Variants in ZFAND4 observed in about 807,000 individuals in gnomAD.
ZFAND4 encodes AN1-type zinc finger protein 4.
ZFAND4 carries 43 observed loss-of-function variants against 64.4 expected under a neutral mutation model. The observed-to-expected ratio is 0.67, with a 90% confidence interval of 0.52 to 0.86. The LOEUF (loss-of-function observed/expected upper bound fraction) is 0.86, where lower values mean the gene tolerates loss of function less well. Among genes scored for constraint, ZFAND4 ranks in the 40% least tolerant of loss-of-function variants. ZFAND4 has a pLI of 0.00. For missense variants in ZFAND4, 929 were observed against 859.8 expected (o/e 1.08, Z -1.01); for synonymous variants, 296 against 305.7 (o/e 0.97, Z 0.33).
In ZFAND4 at chr10:45,667,597, T is replaced by A. The variant is rs570315341; in HGVS notation, c.-117-3755A>T. On this transcript the variant is annotated intron_variant, in intron 1 of 9. Transcript: ENST00000344646. ...GATTCGCCTGTCTCAGCTTCCCAAA[T>A]AGCTGGGATTACAGGCACCTGCCAC... Among the ~76,000 whole-genome samples, 344 of 151,146 alleles carry A rather than the reference T, an allele frequency of 2.3e-3. 2 individuals carry two copies. The highest frequency in any genetic ancestry group is 8.0e-3 in the African/African-American group (331 of 41,258).
chr10:45,625,469 G>A (rs796844099), intron 7 of ZFAND4, among the ~76,000 whole-genome samples: 1 of 109,174 alleles, frequency 9.2e-6, no homozygotes, highest in Admixed American at 1.3e-4. Flanking sequence ...GCGAGACTCC[G>A]TCTCAAAAAA....
chr10:45,624,335 G>GT (rs1475223019), intron 8 of ZFAND4, among the ~76,000 whole-genome samples: 5 of 152,114 alleles, frequency 3.3e-5, no homozygotes, highest in South Asian at 2.1e-4. Flanking sequence ...AATCTTGTGG[G>GT]TTTTTTTGAC....
rs551575931 is a variant in ZFAND4 at position 45,660,069 on chromosome 10, G to C, written c.184+3473C>G. Among the ~76,000 whole-genome samples the C allele has an allele frequency of 8.6e-4, 130 of 151,668 alleles. 1 individual carries two copies. The highest frequency in any genetic ancestry group is 1.4e-3 in the Non-Finnish European group (97 of 67,912). On this transcript the variant is annotated intron_variant, in intron 2 of 9. Transcript: ENST00000344646. Reference sequence around the variant, plus strand: ...CCCACCTACTCGGGAGGCTGAGGCAGGAGAATGGCGTGAACCCAGGAGGCA... The same window carrying C: ...CCCACCTACTCGGGAGGCTGAGGCACGAGAATGGCGTGAACCCAGGAGGCA...
intron 5 of ZFAND4, among the ~76,000 whole-genome samples, chr10:45,644,502 C>G (rs78848394): frequency 0.025 from 3,874 of 152,130 alleles, 66 homozygotes; most frequent in East Asian, 0.053. Flanking sequence ...AGCTATAAAA[C>G]CAAAGAAGTT....
intron 2 of ZFAND4, 53 bp from the exon 3 acceptor site, chr10:45,653,112 A>G (rs1219504675): frequency 1.5e-6 from 2 of 1,292,550 alleles, no homozygotes; most frequent in Non-Finnish European, 2.2e-6. Flanking sequence ...AGCATCTCCA[A>G]AAGAGTATGA....
chr10:45,624,309 A>G (rs2045640660), intron 8 of ZFAND4, among the ~76,000 whole-genome samples: 1 of 152,218 alleles, frequency 6.6e-6, no homozygotes, highest in Non-Finnish European at 1.5e-5. Flanking sequence ...TGGGAACTAC[A>G]TGTTCATTCT....
chr10:45,619,335 C>T (rs1432563691), intron 8 of ZFAND4, among the ~76,000 whole-genome samples: 9 of 152,206 alleles, frequency 5.9e-5, no homozygotes, highest in African/African-American at 9.6e-5. Flanking sequence ...TGAGCCACCA[C>T]GCCAGGCCAA....
chr10:45,666,833 T>C (rs2048855526), intron 1 of ZFAND4, among the ~76,000 whole-genome samples: 2 of 152,192 alleles, frequency 1.3e-5, no homozygotes, highest in Non-Finnish European at 1.5e-5. Flanking sequence ...AATGTGAAGG[T>C]TTATTTCCAG....
chr10:45,657,184 T>C (rs1008786210), intron 2 of ZFAND4, among the ~76,000 whole-genome samples: 2 of 151,932 alleles, frequency 1.3e-5, no homozygotes, highest in African/African-American at 4.8e-5. Flanking sequence ...CAGAAAAAAT[T>C]TTTGTATTTT....
At chr10:45,620,866 C>T (rs2045366963) in intron 8 of ZFAND4, 1 of 152,166 alleles carries the variant, frequency 6.6e-6, no homozygotes, top group Non-Finnish European at 1.5e-5. Flanking sequence ...TTGACTTATC[C>T]TGTAAGACAT....
At chr10:45,652,372 T>A (rs558125560) in intron 3 of ZFAND4, among the ~76,000 whole-genome samples, 2 of 152,230 alleles carry the variant, frequency 1.3e-5, no homozygotes, top group South Asian at 4.1e-4. Context: ...AAATAGCAAA[T>A]CTATTTAATA....
chr10:45,646,154 T>C (rs1054472066), intron 5 of ZFAND4, among the ~76,000 whole-genome samples: 2 of 152,218 alleles, frequency 1.3e-5, no homozygotes, highest in African/African-American at 4.8e-5. Context: ...TGGAATTCTG[T>C]GGTACAAACA....
intron 2 of ZFAND4, chr10:45,662,613 T>C: frequency 1.0e-6 from 1 of 985,330 alleles, no homozygotes; most frequent in Non-Finnish European, 1.2e-6. Context: ...GCTTCAAGAG[T>C]CATTACTGAA....
chr10:45,657,208 G>T (rs1216427621), intron 2 of ZFAND4, among the ~76,000 whole-genome samples: 1 of 152,034 alleles, frequency 6.6e-6, no homozygotes, highest in Admixed American at 6.6e-5. Flanking sequence ...TAGAGACAGG[G>T]TTTCGCAATG....
In ZFAND4 at chr10:45,626,691, T is replaced by C; in HGVS notation, c.1132A>G (p.Asn378Asp). 6.2e-7 allele frequency: 1 copy of C among 1,614,214 alleles called. No homozygotes were observed. Among genetic ancestry groups the C allele is most frequent in the Non-Finnish European group, 8.5e-7 (1 of 1,180,034 alleles). Residue 378 changes from asparagine to aspartate, a missense_variant, in exon 7 of 10, where the codon AAT becomes GAT. Transcript: ENST00000344646. Reference protein sequence around the residue: ...KHFLGNLPSSNGNIVLPSEEC... With the variant: ...KHFLGNLPSSDGNIVLPSEEC... Reference sequence around the variant, plus strand: ...TCTGAAGGTAAGACAATGTTCCCATTACTAGATGGCAAGTTTCCTAAAAAA... The same window carrying C: ...TCTGAAGGTAAGACAATGTTCCCATCACTAGATGGCAAGTTTCCTAAAAAA...
At chr10:45,624,466 A>G in intron 8 of ZFAND4, 117 bp downstream of exon 8, 1 of 833,210 alleles carries the variant, frequency 1.2e-6, no homozygotes, top group South Asian at 1.8e-5. Flanking sequence ...TAGAGACAGA[A>G]TTTACTCTGT....
chr10:45,662,551 A>G (rs2133851263), intron 2 of ZFAND4: 3 of 974,058 alleles, frequency 3.1e-6, no homozygotes, highest in Non-Finnish European at 3.7e-6. Context: ...AACGAAGTCA[A>G]AATAAACTAT....
chr10:45,625,176 C>CAA (rs71023137), intron 7 of ZFAND4, among the ~76,000 whole-genome samples: 165 of 104,102 alleles, frequency 1.6e-3, no homozygotes, highest in African/African-American at 5.5e-3. Context: ...GACCCTGTCT[C>CAA]AAAAAAAAAA....
intron 1 of ZFAND4, among the ~76,000 whole-genome samples, chr10:45,670,758 A>G (rs1422386889): frequency 6.6e-6 from 1 of 152,264 alleles, no homozygotes; most frequent in Non-Finnish European, 1.5e-5. Flanking sequence ...AATACCATTC[A>G]GGACATAGGC....
Sources: gnomAD v4.1 joint callset for allele counts (sites outside exome capture counted in the v4.1 genomes callset) on GRCh38, gnomAD v4.1.1 for gene constraint, MANE v1.5 for transcripts, NCBI Gene and HGNC (gene_info 2026-07-23, HGNC 2026-07-21) for gene names.